Variants in PVALEF observed in about 807,000 individuals in gnomAD.
The protein encoded by PVALEF is parvalbumin like EF-hand containing.
In PVALEF, 2 loss-of-function variants were observed where a neutral mutation model predicts 1.2. The ratio of observed to expected loss-of-function variants is 1.68; its 90% CI spans 0.69 to 5.28. The LOEUF (loss-of-function observed/expected upper bound fraction) is 5.28, where lower values mean the gene tolerates loss of function less well. PVALEF is among the 30% of genes most tolerant of loss of function. PVALEF has a pLI of 0.06. For synonymous variants in PVALEF, 16 were observed against 6.5 expected (o/e 2.47, Z -2.24); for missense variants, 35 against 17.7 (o/e 1.97, Z -1.75).
At chr17:81,166,578 G>A in intron 1 of PVALEF, 99 bp from the exon 2 acceptor site, 1 of 395,288 alleles carries the variant, frequency 2.5e-6, no homozygotes, top group Non-Finnish European at 5.1e-6. Flanking sequence ...TGGGGGAGGG[G>A]GTACTCCTAG....
chr17:81,168,782 G>A (rs1336881995), intron 2 of PVALEF, among the ~76,000 whole-genome samples: 1 of 152,166 alleles, frequency 6.6e-6, no homozygotes, highest in African/African-American at 2.4e-5. Flanking sequence ...GGGGGCAGGG[G>A]CAGGAGAGAG....
At chr17:81,166,980 G>A (rs578153908) in intron 2 of PVALEF, 136 bp downstream of exon 2, 21 of 308,762 alleles carry the variant, frequency 6.8e-5, no homozygotes, top group Admixed American at 1.7e-4. Context: ...GCCTGCCCCC[G>A]TGGGAGTCGG....
intron 6 of PVALEF, among the ~76,000 whole-genome samples, chr17:81,182,478 G>A (rs1478625913): frequency 6.6e-6 from 1 of 152,216 alleles, no homozygotes; most frequent in Non-Finnish European, 1.5e-5. Context: ...TCCAGACACC[G>A]CTTGCCCAGC....
intron 2 of PVALEF, among the ~76,000 whole-genome samples, chr17:81,168,007 G>T (rs1186874573): frequency 1.3e-5 from 2 of 152,234 alleles, no homozygotes; most frequent in East Asian, 1.9e-4. Flanking sequence ...AGGGACAGAG[G>T]GTATGGCATA....
chr17:81,180,494 G>A (rs992593184), intron 3 of PVALEF, among the ~76,000 whole-genome samples: 2 of 152,120 alleles, frequency 1.3e-5, no homozygotes, highest in African/African-American at 4.8e-5. Context: ...ATCAGCCACT[G>A]CAGGGGCTGT....
rs562793490 is a variant in PVALEF, at chr17:81,181,185, C to T, written c.-42C>T. ...GCCCAAGCAGCACCCCCAATCCGTGCGTGCACCCCACGAATTGACTCCCTA... is the reference window on the plus strand; with the variant it reads ...GCCCAAGCAGCACCCCCAATCCGTGTGTGCACCCCACGAATTGACTCCCTA... On this transcript the variant is annotated 5_prime_UTR_variant, in exon 4 of 7. Coordinates refer to ENST00000637878, the MANE Select transcript of PVALEF (RefSeq NM_001354639.2). 4.4e-5 allele frequency: 31 copies of T among 702,608 alleles called. No individual in the cohort carries two copies. The highest frequency in any genetic ancestry group is 4.6e-4 in the Middle Eastern group (2 of 4,364). The allele number at this position is 702,608 out of a possible 1,614,324, so 43.5% of individuals were successfully genotyped here.
chr17:81,174,460 C>A (rs1441704040), intron 2 of PVALEF, among the ~76,000 whole-genome samples: 5 of 151,500 alleles, frequency 3.3e-5, no homozygotes, highest in Non-Finnish European at 7.4e-5. Flanking sequence ...GAAACCCCAT[C>A]TCTACTAAAA....
intron 2 of PVALEF, among the ~76,000 whole-genome samples, chr17:81,169,934 C>G (rs1307094057): frequency 1.3e-5 from 2 of 148,564 alleles, no homozygotes; most frequent in Non-Finnish European, 3.0e-5. Flanking sequence ...GCATGTGTGT[C>G]TGCATATGTG....
intron 2 of PVALEF, among the ~76,000 whole-genome samples, chr17:81,168,326 G>A (rs1253547663): frequency 1.3e-5 from 2 of 152,190 alleles, no homozygotes; most frequent in African/African-American, 4.8e-5. Context: ...CACAGCTCAG[G>A]GGCTTCAAGC....
intron 3 of PVALEF, among the ~76,000 whole-genome samples, chr17:81,180,296 T>C (rs1306859492): frequency 1.3e-5 from 2 of 152,158 alleles, no homozygotes; most frequent in Non-Finnish European, 2.9e-5. Context: ...GGAGGTGACA[T>C]TGGGCCCGGG....
rs1161589897 is a variant in PVALEF at position 81,166,697 on chromosome 17, C to A, written c.-487C>A. 1 of 454,258 alleles carries A rather than the reference C, an allele frequency of 2.2e-6. No homozygotes were observed. The highest frequency in any genetic ancestry group is 4.4e-6 in the Non-Finnish European group (1 of 226,740). 28.1% of individuals were successfully genotyped at this position (454,258 alleles called of 1,614,324 possible). ...TGCAGGTTTCGAGGCGGCTGGCAGC[C>A]GCCCCCCCACCCCATGCCCTTTGGG... On this transcript the variant is annotated 5_prime_UTR_variant, in exon 2 of 7. Transcript: ENST00000637878.
intron 2 of PVALEF, among the ~76,000 whole-genome samples, chr17:81,169,916 TTGTG>T (rs754093684): frequency 5.9e-5 from 9 of 151,324 alleles, no homozygotes; most frequent in Admixed American, 3.3e-4. Context: ...GTGTATCGGT[TTGTG>T]TGTGCATGTG....
intron 2 of PVALEF, among the ~76,000 whole-genome samples, chr17:81,177,182 C>T (rs1283439177): frequency 2.7e-5 from 4 of 146,580 alleles, no homozygotes; most frequent in African/African-American, 1.0e-4. Context: ...TCGCCTCGGC[C>T]TCCCAAAGTG....
chr17:81,181,279 C>A lies in PVALEF; in HGVS notation c.53C>A (p.Thr18Lys), dbSNP rs192277370. 1.4e-5 allele frequency: 10 copies of A among 701,298 alleles called. No homozygotes were observed. The highest frequency in any genetic ancestry group is 4.0e-5 in the Admixed American group (2 of 49,800). 43.4% of individuals were successfully genotyped at this position (701,298 alleles called of 1,614,324 possible). The change falls in exon 4 of 7, where the codon ACG becomes AAG. Residue 18 changes from threonine to lysine, a missense_variant. By Grantham distance (78) the Thr-to-Lys change is moderately conservative. Transcript: ENST00000637878. ...QMKKMALAMG[T>K]SLSDKDIELL... ...AAGAAGATGGCCTTGGCCATGGGCA[C>A]GTCCCTATCAGACAAGGACATTGAG...
At chr17:81,180,407 C>T (rs986622440) in intron 3 of PVALEF, among the ~76,000 whole-genome samples, 1 of 152,056 alleles carries the variant, frequency 6.6e-6, no homozygotes, top group Non-Finnish European at 1.5e-5. Context: ...TGAAGTGGGG[C>T]GGGGCCTGTC....
At chr17:81,179,275 G>GCCACCCTT in intron 3 of PVALEF, 123 bp downstream of exon 3, 3 of 238,580 alleles carry the variant, frequency 1.3e-5, no homozygotes, top group Non-Finnish European at 2.6e-5. Flanking sequence ...AGACCCCAGG[G>GCCACCCTT]GACCCAGGGG....
intron 2 of PVALEF, among the ~76,000 whole-genome samples, chr17:81,169,560 T>A (rs2061511035): frequency 1.3e-5 from 2 of 152,212 alleles, no homozygotes; most frequent in Admixed American, 1.3e-4. Context: ...ATGGCGCCAC[T>A]GCACATATGT....
intron 2 of PVALEF, among the ~76,000 whole-genome samples, chr17:81,175,051 C>A (rs1239779338): frequency 6.6e-6 from 1 of 152,028 alleles, no homozygotes; most frequent in Non-Finnish European, 1.5e-5. Context: ...TTAATGATAT[C>A]AGCAAAGTAG....
intron 3 of PVALEF, 55 bp from the exon 4 acceptor site, chr17:81,181,068 G>C (rs918360879): frequency 3.7e-6 from 2 of 541,286 alleles, no homozygotes; most frequent in South Asian, 5.0e-5. Context: ...AGCATGTCTC[G>C]GGGCCCTGGC....
Sources: allele counts gnomAD v4.1 joint callset (sites outside exome capture counted in the v4.1 genomes callset), GRCh38; gene constraint gnomAD v4.1.1; transcripts MANE v1.5; gene names NCBI Gene and HGNC (gene_info 2026-07-23, HGNC 2026-07-21).